The following EVI5 variants were observed in gnomAD, a reference collection of about 807,000 sequenced individuals.
EVI5 encodes the protein ecotropic viral integration site 5 protein homolog.
In EVI5, 73 loss-of-function variants were observed where a neutral mutation model predicts 112.0. The ratio of observed to expected loss-of-function variants is 0.65; its 90% confidence interval spans 0.54 to 0.79. The LOEUF (loss-of-function observed/expected upper bound fraction) is 0.79. EVI5 is among the 30% of genes least tolerant of loss of function. The probability of loss-of-function intolerance (pLI) is 0.00; values close to 1 mark genes in which losing one functional copy is unlikely to be tolerated. For missense variants in EVI5, 900 were observed against 968.8 expected, an observed-to-expected ratio of 0.93 and a Z score of 0.94; for synonymous variants, 305 against 319.9, an observed-to-expected ratio of 0.95 and a Z score of 0.50.
At chr1:92,620,220 T>C (rs902708334) in intron 16 of EVI5, among the ~76,000 whole-genome samples, 1 of 151,960 alleles carries the variant, frequency 6.6e-6, no homozygotes, top group Non-Finnish European at 1.5e-5. Flanking sequence ...GGCACATGCC[T>C]GTAATCCCAG....
At chr1:92,546,933 G>C (rs1665814537) in intron 19 of EVI5, among the ~76,000 whole-genome samples, 1 of 152,140 alleles carries the variant, frequency 6.6e-6, no homozygotes, top group African/African-American at 2.4e-5. Context: ...ACATTAGACA[G>C]ATTAACGAGA....
intron 1 of EVI5, among the ~76,000 whole-genome samples, chr1:92,778,177 G>A (rs552408120): frequency 6.4e-4 from 97 of 152,286 alleles, no homozygotes; most frequent in African/African-American, 2.1e-3. Flanking sequence ...AAAGGGCTGG[G>A]ATTACAGGGG....
intron 2 of EVI5, among the ~76,000 whole-genome samples, chr1:92,708,777 C>A (rs578250033): frequency 1.3e-5 from 2 of 151,910 alleles, no homozygotes; most frequent in Admixed American, 1.3e-4. Flanking sequence ...ATACCAGCCA[C>A]GAGAAGGAAT....
intron 9 of EVI5, among the ~76,000 whole-genome samples, chr1:92,693,238 A>C (rs888872017): frequency 6.6e-6 from 1 of 151,762 alleles, no homozygotes; most frequent in Non-Finnish European, 1.5e-5. Context: ...CCTGTAGTAC[A>C]CCTGTGCTTT....
At chr1:92,678,360 G>A (rs1667071790) in intron 9 of EVI5, among the ~76,000 whole-genome samples, 1 of 152,060 alleles carries the variant, frequency 6.6e-6, no homozygotes, top group African/African-American at 2.4e-5. Context: ...GTGAAACCCA[G>A]TCTCTACAAA....
intron 13 of EVI5, among the ~76,000 whole-genome samples, chr1:92,640,924 T>C (rs972339913): frequency 5.3e-5 from 8 of 152,206 alleles, no homozygotes; most frequent in Non-Finnish European, 8.8e-5. Context: ...ATCATGTCTT[T>C]TGCAGGGACA....
intron 15 of EVI5, chr1:92,625,586 G>C (rs984194102): frequency 4.4e-6 from 2 of 456,050 alleles, no homozygotes; most frequent in African/African-American, 3.9e-5. Context: ...GATGTCTACT[G>C]TATCTTTTAT....
At chr1:92,515,041 C>T (rs1179686127) in intron 19 of EVI5, among the ~76,000 whole-genome samples, 3 of 152,118 alleles carry the variant, frequency 2.0e-5, no homozygotes, top group Non-Finnish European at 4.4e-5. Context: ...CTCCCCAACT[C>T]CCCCTGGGGA....
intron 13 of EVI5, among the ~76,000 whole-genome samples, chr1:92,652,884 G>A (rs1027899831): frequency 2.0e-5 from 3 of 152,200 alleles, no homozygotes; most frequent in African/African-American, 7.2e-5. Flanking sequence ...GCAAGAAGCT[G>A]GCAGAGATCG....
chr1:92,570,348 T>C (rs1670156546), intron 18 of EVI5, among the ~76,000 whole-genome samples: 1 of 152,006 alleles, frequency 6.6e-6, no homozygotes. Context: ...CTAATTTTGG[T>C]ATGAGGTCAT....
intron 13 of EVI5, among the ~76,000 whole-genome samples, chr1:92,659,298 A>AACAGAGTGAATAGACAACCT (rs1663565122): frequency 6.6e-6 from 1 of 152,182 alleles, no homozygotes; most frequent in Non-Finnish European, 1.5e-5. Context: ...AGGAATAATC[A>AACAGAGTGAATAGACAACCT]ACAGAGTGAA....
In EVI5 at chr1:92,601,328, G is replaced by A. The variant is rs573142612; in HGVS notation, c.2070+3979C>T. On this transcript the variant is annotated intron_variant, in intron 18 of 19. Coordinates refer to ENST00000684568, the MANE Select transcript of EVI5 (RefSeq NM_001350197.2). Reference sequence around the variant, plus strand: ...GTAAATCCTCAAAAAATCAAAAACAGATGATATGATCTAACAATTCCACTA... The same window carrying A: ...GTAAATCCTCAAAAAATCAAAAACAAATGATATGATCTAACAATTCCACTA... 5.8e-4 allele frequency among the ~76,000 whole-genome samples: 88 copies of A among 152,228 alleles called. 1 individual carries two copies. The highest frequency in any genetic ancestry group is 1.1e-3 in the Non-Finnish European group (75 of 68,004).
intron 2 of EVI5, among the ~76,000 whole-genome samples, chr1:92,710,052 T>C (rs1672601381): frequency 8.8e-6 from 1 of 113,578 alleles, no homozygotes; most frequent in African/African-American, 3.4e-5. Flanking sequence ...CCAGATCACA[T>C]GGGTGCACTG....
chr1:92,721,160 A>G (rs750538229), intron 2 of EVI5, among the ~76,000 whole-genome samples: 39 of 152,262 alleles, frequency 2.6e-4, no homozygotes, highest in Non-Finnish European at 4.3e-4. Flanking sequence ...CACTTGACTC[A>G]GTGATCCCAT....
intron 2 of EVI5, among the ~76,000 whole-genome samples, chr1:92,732,772 C>T (rs919706327): frequency 1.3e-5 from 2 of 151,512 alleles, no homozygotes; most frequent in African/African-American, 4.8e-5. Flanking sequence ...TGGTGGCGGG[C>T]ACCTGTAATC....
At chr1:92,678,004 G>A (rs888117926) in intron 9 of EVI5, among the ~76,000 whole-genome samples, 8 of 152,054 alleles carry the variant, frequency 5.3e-5, no homozygotes, top group African/African-American at 1.9e-4. Flanking sequence ...TAAACACTGG[G>A]TACTCATGGA....
intron 2 of EVI5, among the ~76,000 whole-genome samples, chr1:92,730,683 C>CAAA (rs1226099468): frequency 3.4e-4 from 20 of 59,668 alleles, no homozygotes; most frequent in African/African-American, 8.6e-4. Context: ...CCTTCTCTCA[C>CAAA]AAAAAAAAAA....
chr1:92,681,353 C>T (rs1667554291), intron 9 of EVI5, among the ~76,000 whole-genome samples: 1 of 152,076 alleles, frequency 6.6e-6, no homozygotes, highest in Admixed American at 6.6e-5. Flanking sequence ...TATTTATATA[C>T]GCATACAGAG....
intron 10 of EVI5, 83 bp downstream of exon 10, chr1:92,677,075 A>T: frequency 2.4e-6 from 2 of 834,080 alleles, no homozygotes; most frequent in Non-Finnish European, 3.9e-6. Flanking sequence ...ATTTATGAAT[A>T]TAAGAAGTAC....
Sources: gnomAD v4.1 joint callset for allele counts (sites outside exome capture counted in the v4.1 genomes callset) on GRCh38, gnomAD v4.1.1 for gene constraint, MANE v1.5 for transcripts, NCBI Gene and HGNC (gene_info 2026-07-23, HGNC 2026-07-21) for gene names.